The following CNTNAP4 variants were observed in gnomAD, a reference collection of about 807,000 sequenced individuals.
CNTNAP4 encodes contactin associated protein family member 4, also known as contactin-associated protein-like 4.
A neutral mutation model predicts 148.4 loss-of-function variants in CNTNAP4; 98 were observed. That is an observed-to-expected ratio of 0.66 (90% confidence interval 0.56 to 0.78). The LOEUF (loss-of-function observed/expected upper bound fraction) is 0.78, where lower values mean the gene tolerates loss of function less well. Among genes scored for constraint, CNTNAP4 ranks in the 30% least tolerant of loss-of-function variants. CNTNAP4 has a pLI of 0.00. For missense variants in CNTNAP4, 1,935 were observed against 1,565.6 expected (o/e 1.24, Z -3.98); for synonymous variants, 730 against 565.1 (o/e 1.29, Z -4.14).
chr16:76,305,924 T>G (rs9944326), intron 1 of CNTNAP4, among the ~76,000 whole-genome samples: 1 of 152,206 alleles, frequency 6.6e-6, no homozygotes, highest in African/African-American at 2.4e-5. Context: ...GCTTTTCTCT[T>G]CCTGCATTAA....
At chr16:76,498,521 A>C in intron 14 of CNTNAP4, 46 bp from the exon 15 acceptor site, 1 of 1,567,562 alleles carries the variant, frequency 6.4e-7, no homozygotes, top group Non-Finnish European at 8.7e-7. Context: ...TGCAATAAGG[A>C]CTATTAAAAG....
At chr16:76,376,618 C>T (rs1156492077) in intron 3 of CNTNAP4, among the ~76,000 whole-genome samples, 1 of 152,188 alleles carries the variant, frequency 6.6e-6, no homozygotes, top group Non-Finnish European at 1.5e-5. Flanking sequence ...GGCCAAAGGG[C>T]ATGAACAGGT....
chr16:76,280,624 A>T (rs562715174), intron 1 of CNTNAP4, among the ~76,000 whole-genome samples: 1 of 152,024 alleles, frequency 6.6e-6, no homozygotes, highest in Non-Finnish European at 1.5e-5. Flanking sequence ...ACTAGCCATA[A>T]TTTTTTTCTC....
rs1310329629 is a variant in CNTNAP4 at position 76,373,156 on chromosome 16, AATATATTCCACATAAATAGGTG to A, written c.390+17647_390+17668del. ...TGAATATATTCCACATAAATAGGTG[AATATATTCCACATAAATAGGTG>A]AATATATTCCACATAAATAGGTGAA... On this transcript the variant is annotated intron_variant, in intron 3 of 23. Coordinates refer to ENST00000611870, the MANE Select transcript of CNTNAP4 (RefSeq NM_033401.5). 4.3e-4 allele frequency among the ~76,000 whole-genome samples: 66 copies of A among 151,930 alleles called. 4 individuals carry two copies. The highest frequency in any genetic ancestry group is 3.7e-3 in the East Asian group (19 of 5,160).
chr16:76,502,402 G>A (rs975427653), intron 15 of CNTNAP4, among the ~76,000 whole-genome samples: 1 of 150,242 alleles, frequency 6.7e-6, no homozygotes, highest in Non-Finnish European at 1.5e-5. Context: ...TCCAAGTGAG[G>A]CTCACTGGAC....
intron 1 of CNTNAP4, among the ~76,000 whole-genome samples, chr16:76,280,364 A>G (rs746793169): frequency 7.2e-5 from 11 of 152,266 alleles, no homozygotes; most frequent in Non-Finnish European, 1.5e-4. Flanking sequence ...AGACAAACAT[A>G]TATGTTCACA....
intron 1 of CNTNAP4, among the ~76,000 whole-genome samples, chr16:76,286,080 A>T (rs536108641): frequency 3.3e-5 from 5 of 152,110 alleles, no homozygotes; most frequent in Admixed American, 3.3e-4. Flanking sequence ...GGTATTTTAA[A>T]ATCTGCTGGT....
At chr16:76,539,894 C>G in intron 20 of CNTNAP4, 42 bp downstream of exon 20, 1 of 1,453,798 alleles carries the variant, frequency 6.9e-7, no homozygotes, top group South Asian at 1.3e-5. Context: ...TTTAATGACT[C>G]TCCAGCATGA....
In CNTNAP4 at chr16:76,449,803, A is replaced by G; in HGVS notation, c.1016A>G (p.Asn339Ser). The G allele has an allele frequency of 6.2e-7, 1 of 1,605,250 alleles. No individual in the cohort carries two copies. The highest frequency in any genetic ancestry group is 8.5e-7 in the Non-Finnish European group (1 of 1,175,648). The change falls in exon 7 of 24, where the codon AAT (asparagine) becomes AGT (serine). Residue 339 changes from asparagine to serine, a missense_variant. Transcript: ENST00000611870. The stretch of plus-strand genomic sequence containing the variant: ...GGATGTTTAGAAAATCTCTATTATA[A>G]TGGAGTGGATATCATTGATTTGGCC... ...FHGCLENLYY[N>S]GVDIIDLAKQ...
chr16:76,534,490 C>T (rs564061896), intron 17 of CNTNAP4, among the ~76,000 whole-genome samples: 6 of 152,202 alleles, frequency 3.9e-5, no homozygotes, highest in Admixed American at 3.9e-4. Context: ...ATAGAATTGC[C>T]AGGTTATTTA....
intron 8 of CNTNAP4, among the ~76,000 whole-genome samples, chr16:76,455,835 T>C (rs1255151602): frequency 1.3e-5 from 2 of 152,206 alleles, no homozygotes; most frequent in African/African-American, 2.4e-5. Context: ...ACTACAGATA[T>C]GTGTTGTAGT....
chr16:76,293,031 C>T (rs956540013), intron 1 of CNTNAP4, among the ~76,000 whole-genome samples: 1 of 152,184 alleles, frequency 6.6e-6, no homozygotes, highest in African/African-American at 2.4e-5. Context: ...CCACGTTTTA[C>T]CTCACTCTTT....
chr16:76,466,530 A>G (rs2081181410), intron 9 of CNTNAP4, among the ~76,000 whole-genome samples: 1 of 152,148 alleles, frequency 6.6e-6, no homozygotes, highest in African/African-American at 2.4e-5. Flanking sequence ...TACACCTACC[A>G]TGTATCCATA....
At chr16:76,300,399 C>T (rs924447735) in intron 1 of CNTNAP4, among the ~76,000 whole-genome samples, 3 of 151,854 alleles carry the variant, frequency 2.0e-5, no homozygotes, top group South Asian at 2.1e-4. Flanking sequence ...CAGGGCCTGT[C>T]GGGGTTGGGG....
chr16:76,492,779 A>C (rs1260644690), intron 13 of CNTNAP4, among the ~76,000 whole-genome samples: 1 of 152,132 alleles, frequency 6.6e-6, no homozygotes, highest in Non-Finnish European at 1.5e-5. Flanking sequence ...TTCTGCCATG[A>C]TTTTGAGGCC....
At chr16:76,398,559 T>G (rs1052079695) in intron 3 of CNTNAP4, among the ~76,000 whole-genome samples, 2 of 151,996 alleles carry the variant, frequency 1.3e-5, no homozygotes, top group Admixed American at 1.3e-4. Context: ...AGAACTACTT[T>G]GAGATAGGTA....
chr16:76,334,750 G>A (rs979395361), intron 2 of CNTNAP4, among the ~76,000 whole-genome samples: 3 of 152,002 alleles, frequency 2.0e-5, no homozygotes, highest in Admixed American at 2.0e-4. Flanking sequence ...GTATTTTTTA[G>A]TGGCTTTGGA....
rs146273970 is a variant in CNTNAP4 at position 76,422,278 on chromosome 16, A to G, written c.391-5174A>G. On this transcript the variant is annotated intron_variant, in intron 3 of 23. Transcript: ENST00000611870. ...CATTTTACTTCTAGATATTTTATGTACTTAATGATATAACATATATTCTGT... is the reference window on the plus strand; with the variant it reads ...CATTTTACTTCTAGATATTTTATGTGCTTAATGATATAACATATATTCTGT... Among the ~76,000 whole-genome samples the G allele has an allele frequency of 4.1e-3, 631 of 152,254 alleles. 2 individuals carry two copies. The highest frequency in any genetic ancestry group is 6.8e-3 in the African/African-American group (281 of 41,578).
intron 15 of CNTNAP4, among the ~76,000 whole-genome samples, chr16:76,512,789 A>G (rs2144017718): frequency 6.6e-6 from 1 of 152,292 alleles, no homozygotes; most frequent in South Asian, 2.1e-4. Context: ...CTGAGAATAT[A>G]TCACCTATGA....
Sources: allele counts gnomAD v4.1 joint callset (sites outside exome capture counted in the v4.1 genomes callset), GRCh38; gene constraint gnomAD v4.1.1; transcripts MANE v1.5; gene names NCBI Gene and HGNC (gene_info 2026-07-23, HGNC 2026-07-21).